The following KL variants were observed in gnomAD, a reference collection of about 807,000 sequenced individuals.
The protein encoded by KL is alpha-klotho.
KL carries 62 observed loss-of-function variants against 84.2 expected under a neutral mutation model. The observed-to-expected ratio is 0.74, with a 90% CI of 0.60 to 0.91. The LOEUF (loss-of-function observed/expected upper bound fraction) is 0.91, where lower values mean the gene tolerates loss of function less well. KL is among the 40% of genes least tolerant of loss of function. The pLI is 0.00. For synonymous variants in KL, 528 were observed against 528.0 expected (o/e 1.00, Z 0.00); for missense variants, 1,261 against 1,305.7 (o/e 0.97, Z 0.53).
intron 1 of KL, among the ~76,000 whole-genome samples, chr13:33,020,364 C>T (rs1035364140): frequency 4.6e-5 from 7 of 152,238 alleles, no homozygotes; most frequent in South Asian, 4.1e-4. Flanking sequence ...TTCCTCCTCA[C>T]CTTGCCTGTA....
At chr13:33,027,263 C>A (rs895571827) in intron 1 of KL, among the ~76,000 whole-genome samples, 1 of 152,116 alleles carries the variant, frequency 6.6e-6, no homozygotes, top group Non-Finnish European at 1.5e-5. Flanking sequence ...CTCGTTAGTG[C>A]CGGGTCAGCT....
chr13:33,061,718 A>G lies in KL; in HGVS notation c.2639A>G (p.His880Arg), dbSNP rs762993720. The part of the protein sequence containing the change: ...IISNGIDDGL[H>R]AEDDQLRVYY... ...TCCAATGGAATCGATGACGGGCTGC[A>G]TGCTGAGGACGACCAGCTGAGGGTG... The change falls in exon 4 of 5, where the codon CAT becomes CGT. Residue 880 changes from histidine to arginine, a missense_variant. His to Arg is a conservative substitution (Grantham distance 29). Coordinates refer to ENST00000380099, the MANE Select transcript of KL (RefSeq NM_004795.4). 2.7e-5 allele frequency: 43 copies of G among 1,613,944 alleles called. No homozygotes were observed. In the Middle Eastern group the frequency reaches 8.2e-4, roughly 31 times the overall value.
chr13:33,028,113 G>C (rs1870844294), intron 1 of KL, among the ~76,000 whole-genome samples: 1 of 152,210 alleles, frequency 6.6e-6, no homozygotes, highest in East Asian at 1.9e-4. Flanking sequence ...ACATCTTGCT[G>C]AAATGGGCCT....
At chr13:33,035,914 G>T (rs2138207407) in intron 1 of KL, among the ~76,000 whole-genome samples, 1 of 152,284 alleles carries the variant, frequency 6.6e-6, no homozygotes, top group African/African-American at 2.4e-5. Flanking sequence ...TATTTACCCA[G>T]TGTAAGTTAT....
intron 1 of KL, among the ~76,000 whole-genome samples, chr13:33,035,149 T>C (rs1468780012): frequency 6.6e-6 from 1 of 152,192 alleles, no homozygotes; most frequent in Non-Finnish European, 1.5e-5. Context: ...TAAAGCATAT[T>C]TCATTTTCCT....
chr13:33,038,395 A>G (rs921888059), intron 1 of KL, among the ~76,000 whole-genome samples: 9 of 152,108 alleles, frequency 5.9e-5, no homozygotes, highest in African/African-American at 1.9e-4. Flanking sequence ...AGAGTCCACT[A>G]TGGGGGGATA....
intron 1 of KL, among the ~76,000 whole-genome samples, chr13:33,038,586 C>G (rs1184311062): frequency 6.6e-6 from 1 of 152,078 alleles, no homozygotes; most frequent in Non-Finnish European, 1.5e-5. Flanking sequence ...ATCAACTAGA[C>G]CATTTGGTGA....
intron 1 of KL, among the ~76,000 whole-genome samples, chr13:33,052,477 A>G (rs1348287146): frequency 6.6e-6 from 1 of 152,230 alleles, no homozygotes; most frequent in Non-Finnish European, 1.5e-5. Flanking sequence ...TAGCATATAG[A>G]TAGCTGCTTC....
intron 1 of KL, among the ~76,000 whole-genome samples, chr13:33,048,067 A>G (rs1313752820): frequency 1.3e-5 from 2 of 152,136 alleles, no homozygotes; most frequent in Non-Finnish European, 2.9e-5. Context: ...TAGCTATTTT[A>G]AAGTCCTCTG....
intron 1 of KL, among the ~76,000 whole-genome samples, chr13:33,040,982 C>CT (rs1338649967): frequency 6.6e-6 from 1 of 152,160 alleles, no homozygotes; most frequent in Non-Finnish European, 1.5e-5. Context: ...TTGTTACTAT[C>CT]TTTTTTGGTC....
At chr13:33,029,843 C>T (rs1410296961) in intron 1 of KL, among the ~76,000 whole-genome samples, 1 of 152,164 alleles carries the variant, frequency 6.6e-6, no homozygotes. Context: ...CCGTGTTAGT[C>T]GGGATGGTCT....
At chr13:33,047,626 C>A (rs953087027) in intron 1 of KL, among the ~76,000 whole-genome samples, 8 of 152,202 alleles carry the variant, frequency 5.3e-5, no homozygotes, top group Non-Finnish European at 8.8e-5. Flanking sequence ...CTGCACCCAG[C>A]CCCTAAAATC....
At chr13:33,022,133 A>G (rs1005382023) in intron 1 of KL, among the ~76,000 whole-genome samples, 1 of 152,230 alleles carries the variant, frequency 6.6e-6, no homozygotes, top group Non-Finnish European at 1.5e-5. Context: ...TAACAATGCC[A>G]ATTATTTTGA....
intron 1 of KL, among the ~76,000 whole-genome samples, chr13:33,047,750 C>T (rs1219330631): frequency 6.6e-6 from 1 of 152,064 alleles, no homozygotes; most frequent in East Asian, 1.9e-4. Flanking sequence ...CTTTTTGTTC[C>T]ATGTGTTTTT....
chr13:33,055,260 T>G lies in KL; in HGVS notation c.1544T>G (p.Leu515Arg). The G allele has an allele frequency of 6.2e-7, 1 of 1,614,184 alleles. No individual in the cohort carries two copies. The highest frequency in any genetic ancestry group is 8.5e-7 in the Non-Finnish European group (1 of 1,180,014). The change falls in exon 3 of 5, where the codon CTA (leucine) becomes CGA (arginine). Residue 515 changes from leucine (L) to arginine (R), a missense_variant. Transcript: ENST00000380099. Reference sequence around the variant, plus strand: ...CCTCCTTTACCTGAAAATCAGCCCCTAGAAGGGACATTTCCCTGTGACTTT... The same window carrying G: ...CCTCCTTTACCTGAAAATCAGCCCCGAGAAGGGACATTTCCCTGTGACTTT... ...GFPPLPENQP[L>R]EGTFPCDFAW...
rs140444803 is a variant in KL at position 33,065,268 on chromosome 13, A to T, written c.*1082A>T. 24 of 215,792 alleles carry T rather than the reference A, an allele frequency of 1.1e-4. No individual in the cohort carries two copies. Among genetic ancestry groups the T allele is most frequent in the African/African-American group, 5.2e-4 (23 of 44,418 alleles). The allele number at this position is 215,792 out of a possible 1,614,324, so 13.4% of individuals were successfully genotyped here. ...GAATAACACTGGATTTGTTTCTGTG[A>T]TCTCTGAGGTCTATTTTATGTTTTT... On this transcript the variant is annotated 3_prime_UTR_variant, in exon 5 of 5. Transcript: ENST00000380099.
At position 33,036,317 on chromosome 13, in the gene KL, C is replaced by T. The variant is rs530594092; in HGVS notation, c.820-17450C>T. Among the ~76,000 whole-genome samples the T allele has an allele frequency of 9.9e-5, 15 of 151,820 alleles. No individual in the cohort carries two copies. The South Asian group carries it at 3.1e-3, about 32-fold the overall frequency. ...GTAACCATTACTGTCAAGGTGGGTT[C>T]TCCTTCTCCCTCACTAAACACATGC... On this transcript the variant is annotated intron_variant, in intron 1 of 4. Coordinates refer to ENST00000380099, the MANE Select transcript of KL (RefSeq NM_004795.4).
rs71071071 is a variant in KL at position 33,044,640 on chromosome 13, C to CTTTTTTTTTTTTTTTTT, written c.820-9115_820-9099dup. Among the ~76,000 whole-genome samples the CTTTTTTTTTTTTTTTTT allele has an allele frequency of 1.3e-4, 7 of 52,750 alleles. 2 individuals are homozygous for CTTTTTTTTTTTTTTTTT. Among genetic ancestry groups the CTTTTTTTTTTTTTTTTT allele is most frequent in the Admixed American group, 6.6e-4 (2 of 3,010 alleles). 34.6% of individuals were successfully genotyped at this position (52,750 alleles called of 152,430 possible). ...TTCATATATAAATGCAATTGATTTT[C>CTTTTTTTTTTTTTTTTT]TTTTTTTTTTTTTTTTTTTTTTTTT... On this transcript the variant is annotated intron_variant, in intron 1 of 4. Coordinates refer to ENST00000380099, the MANE Select transcript of KL (RefSeq NM_004795.4).
At chr13:33,062,508 A>T (rs1034880208) in intron 4 of KL, among the ~76,000 whole-genome samples, 1 of 151,954 alleles carries the variant, frequency 6.6e-6, no homozygotes, top group African/African-American at 2.4e-5. Context: ...CCCCGTCTCT[A>T]CTGAAAATAC....
Sources: allele counts gnomAD v4.1 joint callset (sites outside exome capture counted in the v4.1 genomes callset), GRCh38; gene constraint gnomAD v4.1.1; transcripts MANE v1.5; gene names NCBI Gene and HGNC (gene_info 2026-07-23, HGNC 2026-07-21).